The following LHX6 variants were observed in gnomAD, a reference collection of about 807,000 sequenced individuals.
The protein encoded by LHX6 is LIM/homeobox protein Lhx6.
Under a neutral mutation model 47.1 loss-of-function variants are expected in LHX6, and 15 were observed. That is an observed-to-expected ratio of 0.32 (90% CI 0.21 to 0.49). The LOEUF (loss-of-function observed/expected upper bound fraction) is 0.49. LHX6 is among the 20% of genes least tolerant of loss of function. The pLI, the probability that LHX6 is intolerant of heterozygous loss-of-function variation, is 0.99. For missense variants in LHX6, 404 were observed against 539.6 expected (o/e 0.75, Z 2.49); for synonymous variants, 242 against 233.5 (o/e 1.04, Z -0.33).
chr9:122,209,749 C>T, intron 8 of LHX6, 32 bp from the exon 9 acceptor site: 1 of 773,458 alleles, frequency 1.3e-6, no homozygotes, highest in Non-Finnish European at 2.4e-6. Context: ...GGAGCTCATC[C>T]CCCAGGCTGC....
At chr9:122,227,329 G>C (rs1831147301) in intron 2 of LHX6, 80 bp downstream of exon 2, 8 of 1,324,750 alleles carry the variant, frequency 6.0e-6, no homozygotes, top group South Asian at 1.6e-5. Context: ...GCAGCAGTTC[G>C]TGGCCGGAAA....
intron 5 of LHX6, among the ~76,000 whole-genome samples, chr9:122,215,910 C>A (rs1023153158): frequency 3.3e-5 from 5 of 152,110 alleles, no homozygotes; most frequent in Non-Finnish European, 5.9e-5. Context: ...GTATTAATGT[C>A]CCCTAGGAAA....
In LHX6 at chr9:122,204,758, C is replaced by A. The variant is rs11540516; in HGVS notation, c.*2G>T. 20 of 1,595,928 alleles carry A rather than the reference C, an allele frequency of 1.3e-5. No homozygotes were observed. Among genetic ancestry groups the A allele is most frequent in the Non-Finnish European group, 1.5e-5 (18 of 1,171,308 alleles). ...CGGGCAGATGCGGAAGTGCCGGCAG[C>A]GTTAGTACTGAAAAAGGATGACCTG... On this transcript the variant is annotated 3_prime_UTR_variant, in exon 10 of 10. Coordinates refer to ENST00000394319, the MANE Select transcript of LHX6 (RefSeq NM_014368.5).
Position 122,213,387 on chromosome 9 carries a change from T to C in LHX6, c.1054+219A>G, listed in dbSNP as rs1830463541. Among the ~76,000 whole-genome samples the C allele has an allele frequency of 6.6e-6, 1 of 152,168 alleles. No individual in the cohort carries two copies. Among genetic ancestry groups the C allele is most frequent in the Non-Finnish European group, 1.5e-5 (1 of 68,040 alleles). On this transcript the variant is annotated intron_variant, in intron 8 of 9. Transcript: ENST00000394319. This position sits in a 1 kb window ranked among gnomAD's most constrained non-coding sequence, Gnocchi z 5.5. ...AGGCATTTTTTGAATGGCTGCTGAATCGCTTGCCTCTATGAAGGATCCCGC... is the reference window on the plus strand; with the variant it reads ...AGGCATTTTTTGAATGGCTGCTGAACCGCTTGCCTCTATGAAGGATCCCGC...
chr9:122,228,172 C>G, intron 1 of LHX6: 1 of 1,214,526 alleles, frequency 8.2e-7, no homozygotes, highest in Non-Finnish European at 1.2e-6. Flanking sequence ...GATTCAGGCG[C>G]CTTTCGAGGG....
rs368315412 is a variant in LHX6, at chr9:122,219,529, C to T, written c.462-2241G>A. 2.6e-3 allele frequency among the ~76,000 whole-genome samples: 397 copies of T among 152,324 alleles called. 2 individuals are homozygous for T. Among genetic ancestry groups the T allele is most frequent in the African/African-American group, 9.0e-3 (374 of 41,580 alleles). On this transcript the variant is annotated intron_variant, in intron 4 of 9. Transcript: ENST00000394319. ...GCTGGTGGTATCCGGATTGGGAGCA[C>T]TTTCTGGCCTCTGAGGGGAGGCTGG...
intron 4 of LHX6, chr9:122,221,349 C>T: frequency 1.0e-6 from 1 of 985,570 alleles, no homozygotes; most frequent in African/African-American, 1.7e-5. Context: ...AACAGCTGGC[C>T]GCCGCTGGGC....
intron 8 of LHX6, among the ~76,000 whole-genome samples, chr9:122,210,279 T>A (rs1010207648): frequency 6.6e-6 from 1 of 152,200 alleles, no homozygotes; most frequent in Non-Finnish European, 1.5e-5. Flanking sequence ...AGCTCACTGA[T>A]AAACACTCCT....
In LHX6 at chr9:122,226,266, A is replaced by C. The variant is rs948030164; in HGVS notation, c.461+110T>G. 3.2e-5 allele frequency: 44 copies of C among 1,392,468 alleles called. No individual in the cohort carries two copies. The African/African-American group carries it at 6.1e-4, about 19-fold the overall frequency. The allele number at this position is 1,392,468 out of a possible 1,614,324, so 86.3% of individuals were successfully genotyped here. On this transcript the variant is annotated intron_variant, in intron 4 of 9. Coordinates refer to ENST00000394319, the MANE Select transcript of LHX6 (RefSeq NM_014368.5). This position sits in a 1 kb window ranked among gnomAD's most constrained non-coding sequence, Gnocchi z 6.5. ...GACCAGCGCTGCGCGCCGGAAGTGC[A>C]CTCGGGACGCCGGGGTTCTGGAGGA... is the stretch of plus-strand genomic sequence containing the variant.
rs1409688312 is a variant in LHX6 at position 122,204,197 on chromosome 9, CTTTCTGAATT to C, written c.*553_*562del. On this transcript the variant is annotated 3_prime_UTR_variant, in exon 10 of 10. Transcript: ENST00000394319. ...CTCAGGGTTGGTCACTGTCTCTTCT[CTTTCTGAATT>C]AACTTGACATAACCAGACAGATGGA... 3 of 153,152 alleles carry C rather than the reference CTTTCTGAATT, an allele frequency of 2.0e-5. No homozygotes were observed. Among genetic ancestry groups the C allele is most frequent in the Non-Finnish European group, 4.4e-5 (3 of 68,248 alleles). The allele number at this position is 153,152 out of a possible 1,614,324, so 9.5% of individuals were successfully genotyped here.
chr9:122,210,648 G>C, intron 8 of LHX6, among the ~76,000 whole-genome samples: 1 of 152,154 alleles, frequency 6.6e-6, no homozygotes, highest in East Asian at 1.9e-4. Flanking sequence ...TACAACCTCT[G>C]CCTCCTGGGT....
rs1347307519 is a variant in LHX6 at position 122,213,515 on chromosome 9, C to G, written c.1054+91G>C. On this transcript the variant is annotated intron_variant, in intron 8 of 9. Transcript: ENST00000394319. The surrounding 1 kb of genome is among the most constrained non-coding windows in gnomAD (Gnocchi z 5.5). ...CACCCACGAGGCTCCCCAAGGCCCT[C>G]CACCCCACGCCTCGGCCTCAGCCGC... 1.6e-5 allele frequency: 19 copies of G among 1,224,998 alleles called. No individual in the cohort carries two copies. Among genetic ancestry groups the G allele is most frequent in the Non-Finnish European group, 2.1e-5 (19 of 903,048 alleles). 75.9% of individuals were successfully genotyped at this position (1,224,998 alleles called of 1,614,324 possible). A position where few individuals can be genotyped will look rare whatever the true frequency, so the allele number is the denominator to read the frequency against.
intron 4 of LHX6, among the ~76,000 whole-genome samples, chr9:122,218,194 G>C (rs1830668574): frequency 6.6e-6 from 1 of 152,076 alleles, no homozygotes; most frequent in African/African-American, 2.4e-5. Context: ...GCGGAGTCTG[G>C]TTTACTCCAT....
chr9:122,205,791 C>T (rs529038423), intron 9 of LHX6, among the ~76,000 whole-genome samples: 112 of 152,254 alleles, frequency 7.4e-4, no homozygotes, highest in African/African-American at 2.6e-3. Context: ...TCTGCAGCAA[C>T]CCTACGGAGT....
At position 122,214,175 on chromosome 9, in the gene LHX6, C is replaced by T; in HGVS notation, c.784-106G>A. On this transcript the variant is annotated intron_variant, in intron 6 of 9. Coordinates refer to ENST00000394319, the MANE Select transcript of LHX6 (RefSeq NM_014368.5). This position sits in a 1 kb window ranked among gnomAD's most constrained non-coding sequence, Gnocchi z 4.6. ...GCCACGCCCCAGGCAGCTGCGGCCCCGCCCCGCCACCCGGGTCCGGCCCGA... is the reference window on the plus strand; with the variant it reads ...GCCACGCCCCAGGCAGCTGCGGCCCTGCCCCGCCACCCGGGTCCGGCCCGA... 7.2e-7 allele frequency: 1 copy of T among 1,386,262 alleles called. No homozygotes were observed. The highest frequency in any genetic ancestry group is 9.6e-7 in the Non-Finnish European group (1 of 1,038,602). The allele number at this position is 1,386,262 out of a possible 1,614,324, so 85.9% of individuals were successfully genotyped here.
rs1308363388 is a variant in LHX6 at position 122,217,005 on chromosome 9, C to CTGGGG, written c.682+58_682+62dup. 37 of 1,373,428 alleles carry CTGGGG rather than the reference C, an allele frequency of 2.7e-5. No individual in the cohort carries two copies. The South Asian group carries it at 4.4e-4, about 16-fold the overall frequency. The allele number at this position is 1,373,428 out of a possible 1,614,324, so 85.1% of individuals were successfully genotyped here. On this transcript the variant is annotated intron_variant, in intron 5 of 9. Coordinates refer to ENST00000394319, the MANE Select transcript of LHX6 (RefSeq NM_014368.5). This position sits in a 1 kb window ranked among gnomAD's most constrained non-coding sequence, Gnocchi z 4.9. ...AGGAGTGTGGGTGGTTCCTGGGGTGCTGGGGTGGGGTGGGGTGGGAAAGGG... is the reference window on the plus strand; with the variant it reads ...AGGAGTGTGGGTGGTTCCTGGGGTGCTGGGGTGGGGTGGGGTGGGGTGGGAAAGGG...
Position 122,226,251 on chromosome 9 carries a change from G to A in LHX6, c.461+125C>T. The A allele has an allele frequency of 7.9e-7, 1 of 1,273,110 alleles. No homozygotes were observed. Among genetic ancestry groups the A allele is most frequent in the Non-Finnish European group, 1.1e-6 (1 of 941,090 alleles). The allele number at this position is 1,273,110 out of a possible 1,614,324, so 78.9% of individuals were successfully genotyped here. A position where few individuals can be genotyped will look rare whatever the true frequency, so the allele number is the denominator to read the frequency against. The stretch of plus-strand genomic sequence containing the variant: ...AGCGCCGGCAGGTTGGACCAGCGCT[G>A]CGCGCCGGAAGTGCACTCGGGACGC... On this transcript the variant is annotated intron_variant, in intron 4 of 9. Transcript: ENST00000394319. The surrounding 1 kb of genome is among the most constrained non-coding windows in gnomAD (Gnocchi z 6.5).
chr9:122,210,473 C>T (rs1471684169), intron 8 of LHX6, among the ~76,000 whole-genome samples: 1 of 152,182 alleles, frequency 6.6e-6, no homozygotes, highest in Non-Finnish European at 1.5e-5. Context: ...TGTCACCTCT[C>T]TCTTTACGAC....
chr9:122,221,460 G>A, intron 4 of LHX6: 1 of 985,554 alleles, frequency 1.0e-6, no homozygotes, highest in Non-Finnish European at 1.2e-6. Flanking sequence ...GCCCGCGACA[G>A]AGCTTGGGCT....
Sources: allele counts gnomAD v4.1 joint callset (sites outside exome capture counted in the v4.1 genomes callset), GRCh38; gene constraint gnomAD v4.1.1; non-coding constraint Gnocchi (gnomAD v3.1); transcripts MANE v1.5; gene names NCBI Gene and HGNC (gene_info 2026-07-23, HGNC 2026-07-21).